Variants in TACR3 observed in about 807,000 individuals in gnomAD.
TACR3 encodes tachykinin receptor 3.
TACR3 carries 34 observed loss-of-function variants against 35.0 expected under a neutral mutation model. That is an observed-to-expected ratio of 0.97 (90% CI 0.74 to 1.30). TACR3 has a LOEUF of 1.30. Ranked by LOEUF, TACR3 falls within the 50% of genes most tolerant of loss-of-function variation. The probability of loss-of-function intolerance (pLI) is 0.00; values close to 1 mark genes in which losing one functional copy is unlikely to be tolerated. For missense variants in TACR3, 558 were observed against 591.7 expected (o/e 0.94, Z 0.59); for synonymous variants, 233 against 221.1 (o/e 1.05, Z -0.48).
At chr4:103,628,157 G>A (rs1578232959) in intron 3 of TACR3, among the ~76,000 whole-genome samples, 1 of 152,156 alleles carries the variant, frequency 6.6e-6, no homozygotes, top group African/African-American at 2.4e-5. Context: ...TGTGTAGAGG[G>A]AAATTTACAG....
chr4:103,636,492 C>G (rs1725194110), intron 3 of TACR3, among the ~76,000 whole-genome samples: 1 of 151,876 alleles, frequency 6.6e-6, no homozygotes. Flanking sequence ...ACACAAAAGC[C>G]TTTTATCTCA....
chr4:103,708,877 G>A (rs527882859), intron 1 of TACR3, among the ~76,000 whole-genome samples: 2 of 152,186 alleles, frequency 1.3e-5, no homozygotes, highest in Non-Finnish European at 2.9e-5. Flanking sequence ...TTCAGTAGCC[G>A]ATTTGATTAA....
At chr4:103,682,821 C>G (rs1445004618) in intron 1 of TACR3, among the ~76,000 whole-genome samples, 1 of 152,132 alleles carries the variant, frequency 6.6e-6, no homozygotes, top group Non-Finnish European at 1.5e-5. Context: ...ATTTCCATCT[C>G]TCTAAGGTTA....
At chr4:103,612,144 G>A (rs900700101) in intron 3 of TACR3, among the ~76,000 whole-genome samples, 12 of 152,072 alleles carry the variant, frequency 7.9e-5, no homozygotes, top group African/African-American at 1.2e-4. Flanking sequence ...TTTTGCTGCC[G>A]TGTTCTCCAG....
At chr4:103,706,414 A>C (rs991282363) in intron 1 of TACR3, among the ~76,000 whole-genome samples, 3 of 152,196 alleles carry the variant, frequency 2.0e-5, no homozygotes, top group Non-Finnish European at 4.4e-5. Context: ...CCTGATGCTA[A>C]AGTATATCTA....
intron 3 of TACR3, among the ~76,000 whole-genome samples, chr4:103,599,242 T>A (rs1724126632): frequency 6.6e-6 from 1 of 152,060 alleles, no homozygotes; most frequent in African/African-American, 2.4e-5. Flanking sequence ...CACTCATGAT[T>A]TGGCTCTCTG....
At chr4:103,658,998 C>A (rs78289784) in intron 1 of TACR3, among the ~76,000 whole-genome samples, 5,666 of 152,256 alleles carry the variant, frequency 0.037, 137 homozygotes, top group Non-Finnish European at 0.055. Context: ...ACATTAAGTT[C>A]TCATAAGGAG....
chr4:103,589,624 G>A lies in TACR3; in HGVS notation c.*58C>T. On this transcript the variant is annotated 3_prime_UTR_variant, in exon 5 of 5. Coordinates refer to ENST00000304883, the MANE Select transcript of TACR3 (RefSeq NM_001059.3). ...GACAGGACTGGTAAATAGGAGAATG[G>A]GGTCCTAGACTGGCACCATGATGGT... 1 of 1,596,376 alleles carries A rather than the reference G, an allele frequency of 6.3e-7. No individual in the cohort carries two copies. Among genetic ancestry groups the A allele is most frequent in the South Asian group, 1.1e-5 (1 of 90,518 alleles).
At chr4:103,629,205 A>C (rs898479593) in intron 3 of TACR3, among the ~76,000 whole-genome samples, 1 of 152,178 alleles carries the variant, frequency 6.6e-6, no homozygotes, top group South Asian at 2.1e-4. Flanking sequence ...CAAAAACTGG[A>C]AGCATTCCCT....
intron 1 of TACR3, among the ~76,000 whole-genome samples, chr4:103,674,318 T>C (rs1339562274): frequency 6.6e-6 from 1 of 151,884 alleles, no homozygotes; most frequent in Admixed American, 6.6e-5. Context: ...TTTTTCTGTT[T>C]TTTTTTTTTC....
At chr4:103,665,191 G>T (rs1725910784) in intron 1 of TACR3, among the ~76,000 whole-genome samples, 3 of 150,358 alleles carry the variant, frequency 2.0e-5, no homozygotes, top group Admixed American at 1.3e-4. Flanking sequence ...ATTTCAAAGT[G>T]AATAAGCTTT....
intron 3 of TACR3, among the ~76,000 whole-genome samples, chr4:103,630,494 A>T (rs760432807): frequency 2.6e-5 from 4 of 152,200 alleles, no homozygotes; most frequent in Non-Finnish European, 5.9e-5. Context: ...ACAAGAATAA[A>T]ACAACCCCAT....
intron 1 of TACR3, among the ~76,000 whole-genome samples, chr4:103,708,840 C>A (rs181479681): frequency 5.9e-5 from 9 of 152,166 alleles, no homozygotes; most frequent in African/African-American, 1.9e-4. Flanking sequence ...AGCCATGGCA[C>A]GAGAACTATG....
At chr4:103,716,147 T>C (rs1461801905) in intron 1 of TACR3, among the ~76,000 whole-genome samples, 1 of 152,040 alleles carries the variant, frequency 6.6e-6, no homozygotes, top group Non-Finnish European at 1.5e-5. Flanking sequence ...TATGTTATTT[T>C]TCAAAATGGC....
In TACR3 at chr4:103,689,266, G is replaced by A. The variant is rs1381665275; in HGVS notation, c.548+29862C>T. Among the ~76,000 whole-genome samples the A allele has an allele frequency of 4.7e-5, 6 of 127,644 alleles. No individual in the cohort carries two copies. In the Admixed American group the frequency reaches 5.0e-4, roughly 11 times the overall value. The allele number at this position is 127,644 out of a possible 152,430, so 83.7% of individuals were successfully genotyped here. On this transcript the variant is annotated intron_variant, in intron 1 of 4. Coordinates refer to ENST00000304883, the MANE Select transcript of TACR3 (RefSeq NM_001059.3). ...GGACTGTTGTGGGGTCGGGGGAGGG[G>A]GGCGGGATAGCATTGGGAGATATAC...
Position 103,589,166 on chromosome 4 carries a change from T to G in TACR3, c.*516A>C, listed in dbSNP as rs1230652724. 2 of 152,734 alleles carry G rather than the reference T, an allele frequency of 1.3e-5. No individual in the cohort carries two copies. Among genetic ancestry groups the G allele is most frequent in the African/African-American group, 4.8e-5 (2 of 41,452 alleles). 9.5% of individuals were successfully genotyped at this position (152,734 alleles called of 1,614,324 possible). A position where few individuals can be genotyped will look rare whatever the true frequency, so the allele number is the denominator to read the frequency against. On this transcript the variant is annotated 3_prime_UTR_variant, in exon 5 of 5. Transcript: ENST00000304883. ...GTTTTCTTGAGCAAAGATTTTCAGTTCCTACTTCTTGAGGTTAATTTTCCA... is the reference window on the plus strand; with the variant it reads ...GTTTTCTTGAGCAAAGATTTTCAGTGCCTACTTCTTGAGGTTAATTTTCCA...
chr4:103,598,616 G>T (rs1202587360), intron 3 of TACR3, among the ~76,000 whole-genome samples: 1 of 152,066 alleles, frequency 6.6e-6, no homozygotes, highest in Non-Finnish European at 1.5e-5. Flanking sequence ...AATCCATCTT[G>T]AATTGATTTT....
At chr4:103,634,612 A>G (rs1725138676) in intron 3 of TACR3, among the ~76,000 whole-genome samples, 1 of 152,134 alleles carries the variant, frequency 6.6e-6, no homozygotes, top group Non-Finnish European at 1.5e-5. Flanking sequence ...CTTGCTGCAT[A>G]TGAACTATTT....
At chr4:103,600,149 T>C (rs1204044657) in intron 3 of TACR3, among the ~76,000 whole-genome samples, 1 of 152,176 alleles carries the variant, frequency 6.6e-6, no homozygotes, top group Non-Finnish European at 1.5e-5. Flanking sequence ...TATTGGTCTA[T>C]TCAGAGATTC....
Sources: allele counts gnomAD v4.1 joint callset (sites outside exome capture counted in the v4.1 genomes callset), GRCh38; gene constraint gnomAD v4.1.1; transcripts MANE v1.5; gene names NCBI Gene and HGNC (gene_info 2026-07-23, HGNC 2026-07-21).